The following RBBP8 variants were observed in gnomAD, a reference collection of about 807,000 sequenced individuals.
RBBP8 encodes RB binding protein 8, endonuclease, also known as DNA endonuclease RBBP8.
A neutral mutation model predicts 108.3 loss-of-function variants in RBBP8; 88 were observed. The observed-to-expected ratio is 0.81, with a 90% CI of 0.68 to 0.97. RBBP8 has a LOEUF of 0.97. RBBP8 is among the 50% of genes least tolerant of loss of function. RBBP8 has a pLI of 0.00. For synonymous variants in RBBP8, 332 were observed against 348.2 expected (o/e 0.95, Z 0.52); for missense variants, 1,023 against 1,049.0 (o/e 0.98, Z 0.34).
intron 2 of RBBP8, among the ~76,000 whole-genome samples, chr18:22,944,510 A>G (rs1356727325): frequency 6.6e-6 from 1 of 152,212 alleles, no homozygotes; most frequent in Non-Finnish European, 1.5e-5. Flanking sequence ...AAACATGTGC[A>G]TGGATGCACC....
At position 22,993,226 on chromosome 18, in the gene RBBP8, A is replaced by G; in HGVS notation, c.1399A>G (p.Lys467Glu). 6.2e-7 allele frequency: 1 copy of G among 1,614,222 alleles called. No homozygotes were observed. The highest frequency in any genetic ancestry group is 1.1e-5 in the South Asian group (1 of 91,084). Residue 467 changes from lysine (K) to glutamate (E), a missense_variant, in exon 11 of 19, where the codon AAA becomes GAA. Coordinates refer to ENST00000327155, the MANE Select transcript of RBBP8 (RefSeq NM_002894.3). ...EVSCPQASFD[K>E]ENAFPFPMDN... is the part of the protein sequence containing the mutation. ...AAGCTGCCCCCAAGCTTCTTTTGAT[A>G]AAGAAAATGCTTTCCCTTTTCCAAT...
intron 2 of RBBP8, among the ~76,000 whole-genome samples, chr18:22,943,437 AAATAAT>A (rs914309108): frequency 2.0e-5 from 3 of 151,902 alleles, no homozygotes; most frequent in Non-Finnish European, 4.4e-5. Flanking sequence ...CCTGTCTCAA[AAATAAT>A]AATAATATTA....
chr18:22,993,030 A>G lies in RBBP8; in HGVS notation c.1203A>G (p.Ser401=). The change falls in exon 11 of 19, where the codon TCA becomes TCG. Residue 401 remains serine (S), a synonymous_variant. Coordinates refer to ENST00000327155, the MANE Select transcript of RBBP8 (RefSeq NM_002894.3). ...AAGTGAACAAGATCATTATCCAGTCATCTAATAAACAGATACTTATAAATA... is the reference window on the plus strand; with the variant it reads ...AAGTGAACAAGATCATTATCCAGTCGTCTAATAAACAGATACTTATAAATA... ...GSEVNKIIIQ[S]SNKQILINKN... The G allele has an allele frequency of 3.1e-6, 5 of 1,613,298 alleles. No homozygotes were observed. Among genetic ancestry groups the G allele is most frequent in the Non-Finnish European group, 4.2e-6 (5 of 1,179,324 alleles).
chr18:22,988,698 TCTA>T (rs1219052792), intron 8 of RBBP8, among the ~76,000 whole-genome samples: 1 of 152,236 alleles, frequency 6.6e-6, no homozygotes, highest in African/African-American at 2.4e-5. Context: ...TTTCTTTTCA[TCTA>T]CTGCTTAGCA....
chr18:23,006,563 G>A (rs2046053043), intron 16 of RBBP8, 131 bp downstream of exon 16: 6 of 778,822 alleles, frequency 7.7e-6, no homozygotes, highest in East Asian at 2.8e-5. Flanking sequence ...GTGCAATGGC[G>A]TAAACTCAGC....
Position 23,001,597 on chromosome 18 carries a change from A to C in RBBP8, c.2155A>C (p.Lys719Gln). 1 of 1,614,152 alleles carries C rather than the reference A, an allele frequency of 6.2e-7. No homozygotes were observed. The highest frequency in any genetic ancestry group is 1.1e-5 in the South Asian group (1 of 91,086). Residue 719 changes from lysine (K) to glutamine (Q), a missense_variant, in exon 15 of 19, where the codon AAA becomes CAA. Physicochemically the swap from Lys to Gln is moderately conservative, Grantham distance 53. Transcript: ENST00000327155. ...KGEKSSNEER[K>Q]MNDSLEDMFD... ...GCTCTTTTACATAGATGAAGAAAGA[A>C]AAATGAATGATAGCTTGGAAGATAT...
intron 4 of RBBP8, among the ~76,000 whole-genome samples, chr18:22,961,204 G>T (rs755851709): frequency 1.8e-4 from 28 of 152,204 alleles, no homozygotes; most frequent in Non-Finnish European, 3.4e-4. Flanking sequence ...ATGTGTAGCT[G>T]GGAGATCAGC....
chr18:22,981,707 C>G (rs1410979074), intron 6 of RBBP8, among the ~76,000 whole-genome samples: 1 of 152,230 alleles, frequency 6.6e-6, no homozygotes, highest in Non-Finnish European at 1.5e-5. Flanking sequence ...AGACCGCAGA[C>G]AGAGCGGCTT....
intron 4 of RBBP8, among the ~76,000 whole-genome samples, chr18:22,963,425 C>T (rs1260357356): frequency 6.6e-6 from 1 of 152,046 alleles, no homozygotes; most frequent in Non-Finnish European, 1.5e-5. Context: ...TTATGATGGA[C>T]CTTTTTTTCA....
chr18:22,944,246 A>G (rs761121656), intron 2 of RBBP8, among the ~76,000 whole-genome samples: 6 of 152,244 alleles, frequency 3.9e-5, no homozygotes, highest in African/African-American at 1.4e-4. Flanking sequence ...GACAGAACAA[A>G]TGCCTCACAG....
intron 15 of RBBP8, among the ~76,000 whole-genome samples, chr18:23,004,179 G>A (rs1040816072): frequency 6.6e-6 from 1 of 151,396 alleles, no homozygotes; most frequent in African/African-American, 2.4e-5. Flanking sequence ...CTGCACTCAC[G>A]TTTATTGCAG....
intron 12 of RBBP8, among the ~76,000 whole-genome samples, chr18:22,994,102 G>C (rs2045805505): frequency 7.9e-6 from 1 of 126,174 alleles, no homozygotes. Flanking sequence ...CTCACTGCAA[G>C]CTCCGCCTCC....
Position 22,993,571 on chromosome 18 carries a change from G to T in RBBP8, c.1744G>T (p.Ala582Ser). Residue 582 changes from alanine to serine, a missense_variant, in exon 11 of 19, where the codon GCT becomes TCT. Transcript: ENST00000327155. ...KPSLQIKEENAVFKIPLRPRE... is the reference protein window; with the variant it reads ...KPSLQIKEENSVFKIPLRPRE... ...ATCATTACAAATAAAAGAAGAAAATGCTGTCTTTAAAATTCCTCTACGTCC... is the reference window on the plus strand; with the variant it reads ...ATCATTACAAATAAAAGAAGAAAATTCTGTCTTTAAAATTCCTCTACGTCC... 1.2e-6 allele frequency: 2 copies of T among 1,613,634 alleles called. No individual in the cohort carries two copies. Among genetic ancestry groups the T allele is most frequent in the African/African-American group, 1.3e-5 (1 of 74,936 alleles).
intron 15 of RBBP8, 121 bp from the exon 16 acceptor site, chr18:23,006,242 G>T: frequency 1.2e-6 from 1 of 834,924 alleles, no homozygotes; most frequent in Non-Finnish European, 2.0e-6. Flanking sequence ...TTGCTCAGAG[G>T]CCTGGAGCAT....
Position 23,001,676 on chromosome 18 carries a change from C to T in RBBP8, c.2234C>T (p.Ser745Phe), listed in dbSNP as rs1260967428. The T allele has an allele frequency of 1.9e-6, 3 of 1,614,056 alleles. No homozygotes were observed. Among genetic ancestry groups the T allele is most frequent in the Admixed American group, 3.3e-5 (2 of 60,022 alleles). The stretch of plus-strand genomic sequence containing the variant: ...GAATCCTGTTTGGCAGACAGTTTCT[C>T]CCAAGCAGCAGATGAAGAGGAGGAA... Reference protein sequence around the residue: ...EYESCLADSFSQAADEEEELS... With the variant: ...EYESCLADSFFQAADEEEELS... The change falls in exon 15 of 19, where the codon TCC becomes TTC. Residue 745 changes from serine (S) to phenylalanine (F), a missense_variant. Ser to Phe is a radical substitution (Grantham distance 155, BLOSUM62 -2). Coordinates refer to ENST00000327155, the MANE Select transcript of RBBP8 (RefSeq NM_002894.3).
intron 2 of RBBP8, among the ~76,000 whole-genome samples, chr18:22,915,759 A>C (rs774757553): frequency 1.3e-5 from 2 of 152,126 alleles, no homozygotes; most frequent in Non-Finnish European, 2.9e-5. Context: ...TGTTTAAAAC[A>C]TAGGGCTTAC....
intron 3 of RBBP8, among the ~76,000 whole-genome samples, chr18:22,920,449 T>C (rs768432548): frequency 6.6e-6 from 1 of 152,354 alleles, no homozygotes; most frequent in East Asian, 1.9e-4. Flanking sequence ...ACTATTATCT[T>C]AGAAATTATG....
At chr18:22,965,442 T>C (rs1451520945) in intron 4 of RBBP8, among the ~76,000 whole-genome samples, 1 of 152,150 alleles carries the variant, frequency 6.6e-6, no homozygotes, top group Non-Finnish European at 1.5e-5. Flanking sequence ...GTTGGTCAGA[T>C]TTCCTAAAGA....
rs1915628173 is a variant in RBBP8 at position 22,990,788 on chromosome 18, A to G, written c.808-149A>G. On this transcript the variant is annotated intron_variant, in intron 9 of 18. Coordinates refer to ENST00000327155, the MANE Select transcript of RBBP8 (RefSeq NM_002894.3). Reference sequence around the variant, plus strand: ...TTTACCTATTCTGAATATTTCATATAAATGGAATCATACATTATGTGGCCT... The same window carrying G: ...TTTACCTATTCTGAATATTTCATATGAATGGAATCATACATTATGTGGCCT... 3 of 616,720 alleles carry G rather than the reference A, an allele frequency of 4.9e-6. No individual in the cohort carries two copies. In the Admixed American group the frequency reaches 7.9e-5, roughly 16 times the overall value. 38.2% of individuals were successfully genotyped at this position (616,720 alleles called of 1,614,324 possible).
Sources: allele counts gnomAD v4.1 joint callset (sites outside exome capture counted in the v4.1 genomes callset), GRCh38; gene constraint gnomAD v4.1.1; transcripts MANE v1.5; gene names NCBI Gene and HGNC (gene_info 2026-07-23, HGNC 2026-07-21).